Variants in CADM2 observed in about 807,000 individuals in gnomAD.
The protein encoded by CADM2 is immunoglobulin superfamily member 4D.
A neutral mutation model predicts 49.8 loss-of-function variants in CADM2; 12 were observed. The observed-to-expected ratio is 0.24, with a 90% CI of 0.15 to 0.39. The LOEUF (loss-of-function observed/expected upper bound fraction) is 0.39, where lower values mean the gene tolerates loss of function less well. CADM2 is among the 10% of genes least tolerant of loss of function. The pLI, the probability that CADM2 is intolerant of heterozygous loss-of-function variation, is 1.00. For missense variants in CADM2, 378 were observed against 492.3 expected, an observed-to-expected ratio of 0.77 and a Z score of 2.20; for synonymous variants, 214 against 175.4, an observed-to-expected ratio of 1.22 and a Z score of -1.74.
At chr3:85,325,074 G>C (rs1360449320) in intron 1 of CADM2, among the ~76,000 whole-genome samples, 1 of 152,182 alleles carries the variant, frequency 6.6e-6, no homozygotes, top group East Asian at 1.9e-4. Flanking sequence ...AGCACAGGCT[G>C]CTTTATGTTC....
intron 1 of CADM2, among the ~76,000 whole-genome samples, chr3:84,971,896 A>T (rs1216154545): frequency 6.6e-6 from 1 of 152,026 alleles, no homozygotes; most frequent in Non-Finnish European, 1.5e-5. Context: ...TTGGTAATAG[A>T]GGAATGAAGT....
intron 1 of CADM2, among the ~76,000 whole-genome samples, chr3:85,610,249 A>G (rs555470627): frequency 6.6e-6 from 1 of 152,078 alleles, no homozygotes; most frequent in Admixed American, 6.6e-5. Flanking sequence ...GTCAAATGGT[A>G]GTGGTCCCCA....
chr3:85,506,946 AT>A (rs1298384992), intron 1 of CADM2, among the ~76,000 whole-genome samples: 1 of 152,172 alleles, frequency 6.6e-6, no homozygotes, highest in Non-Finnish European at 1.5e-5. Context: ...CACTTAAGTT[AT>A]TTACTTTAAA....
chr3:86,017,728 C>CA (rs570758624), intron 8 of CADM2, among the ~76,000 whole-genome samples: 194 of 110,032 alleles, frequency 1.8e-3, no homozygotes, highest in East Asian at 6.6e-3. Context: ...ACCCTGTCTC[C>CA]AAAAAAAAAA....
At chr3:85,297,976 T>A (rs1263508824) in intron 1 of CADM2, among the ~76,000 whole-genome samples, 3 of 151,996 alleles carry the variant, frequency 2.0e-5, no homozygotes, top group Non-Finnish European at 4.4e-5. Flanking sequence ...ATGAACTGAT[T>A]CATAAAAGAT....
At chr3:85,669,813 G>C in intron 1 of CADM2, among the ~76,000 whole-genome samples, 1 of 151,602 alleles carries the variant, frequency 6.6e-6, no homozygotes, top group South Asian at 2.1e-4. Flanking sequence ...ATTTAACATG[G>C]GGCAAACAAT....
At chr3:85,651,722 A>G (rs2065046301) in intron 1 of CADM2, among the ~76,000 whole-genome samples, 1 of 152,000 alleles carries the variant, frequency 6.6e-6, no homozygotes. Flanking sequence ...AAACCTCATT[A>G]TTCTTGCTTT....
chr3:85,736,173 A>T (rs1319165391), intron 2 of CADM2, among the ~76,000 whole-genome samples: 1 of 152,222 alleles, frequency 6.6e-6, no homozygotes, highest in African/African-American at 2.4e-5. Flanking sequence ...AAGAAAATGT[A>T]TTTAAAAAGG....
intron 8 of CADM2, among the ~76,000 whole-genome samples, chr3:85,966,624 T>C (rs1011226353): frequency 1.3e-5 from 2 of 151,598 alleles, no homozygotes; most frequent in African/African-American, 4.8e-5. Context: ...TTTACAACCA[T>C]GTAAGATAAG....
At position 85,152,342 on chromosome 3, in the gene CADM2, T is replaced by C. The variant is rs984786810; in HGVS notation, c.61+192674T>C. Reference sequence around the variant, plus strand: ...TAGGTGCCTTCGTTACAAGGATGTGTGGCCAAAAGAGACTGTAGTTATGGA... The same window carrying C: ...TAGGTGCCTTCGTTACAAGGATGTGCGGCCAAAAGAGACTGTAGTTATGGA... On this transcript the variant is annotated intron_variant, in intron 1 of 9. Coordinates refer to ENST00000383699, the MANE Select transcript of CADM2 (RefSeq NM_001167675.2). 3.9e-5 allele frequency among the ~76,000 whole-genome samples: 6 copies of C among 152,158 alleles called. No individual in the cohort carries two copies. The East Asian group carries it at 1.2e-3, about 29-fold the overall frequency.
At chr3:85,663,080 G>A (rs1007188898) in intron 1 of CADM2, among the ~76,000 whole-genome samples, 1 of 152,016 alleles carries the variant, frequency 6.6e-6, no homozygotes, top group Non-Finnish European at 1.5e-5. Context: ...AGTGGTAGGT[G>A]GTTCAAGCTA....
chr3:85,773,964 C>G (rs946291031), intron 2 of CADM2, among the ~76,000 whole-genome samples: 1 of 151,858 alleles, frequency 6.6e-6, no homozygotes, highest in Non-Finnish European at 1.5e-5. Context: ...TCCAGGAAAG[C>G]ATAATCTTGT....
At chr3:85,544,601 A>G (rs879343818) in intron 1 of CADM2, among the ~76,000 whole-genome samples, 1 of 152,120 alleles carries the variant, frequency 6.6e-6, no homozygotes, top group Admixed American at 6.5e-5. Context: ...AAAAATAAAA[A>G]AAAGAGGAAA....
rs922969875 is a variant in CADM2 at position 85,082,306 on chromosome 3, T to C, written c.61+122638T>C. On this transcript the variant is annotated intron_variant, in intron 1 of 9. Transcript: ENST00000383699. The stretch of plus-strand genomic sequence containing the variant: ...TTGCTTGGGACCTTATTACATATTA[T>C]GTCTTACATTTTTGCAAAATATATT... 2.0e-5 allele frequency among the ~76,000 whole-genome samples: 3 copies of C among 152,210 alleles called. No individual in the cohort carries two copies. In the East Asian group the frequency reaches 5.8e-4, roughly 29 times the overall value.
At chr3:86,045,755 T>C (rs1736592059) in intron 8 of CADM2, among the ~76,000 whole-genome samples, 1 of 152,182 alleles carries the variant, frequency 6.6e-6, no homozygotes, top group Non-Finnish European at 1.5e-5. Context: ...ACAACACTAA[T>C]ATAAACACCA....
chr3:85,719,791 G>A (rs1239740991), intron 1 of CADM2, among the ~76,000 whole-genome samples: 1 of 151,990 alleles, frequency 6.6e-6, no homozygotes, highest in Non-Finnish European at 1.5e-5. Flanking sequence ...AAACATCCAA[G>A]TTTTACTTAA....
chr3:85,921,388 A>G (rs1433949321), intron 6 of CADM2, among the ~76,000 whole-genome samples: 1 of 151,964 alleles, frequency 6.6e-6, no homozygotes, highest in Admixed American at 6.6e-5. Flanking sequence ...ACTGTAATAA[A>G]TCAATGTATT....
chr3:85,191,501 A>T (rs188026793), intron 1 of CADM2, among the ~76,000 whole-genome samples: 40 of 152,184 alleles, frequency 2.6e-4, no homozygotes, highest in African/African-American at 9.4e-4. Flanking sequence ...AGATGAAAAA[A>T]ATTGGGACAC....
intron 2 of CADM2, among the ~76,000 whole-genome samples, chr3:85,780,437 A>G (rs1221917521): frequency 6.6e-6 from 1 of 152,212 alleles, no homozygotes; most frequent in Non-Finnish European, 1.5e-5. Flanking sequence ...TTTATACAAC[A>G]CCATTGATAC....
Sources: allele counts gnomAD v4.1 joint callset (sites outside exome capture counted in the v4.1 genomes callset), GRCh38; gene constraint gnomAD v4.1.1; transcripts MANE v1.5; gene names NCBI Gene and HGNC (gene_info 2026-07-23, HGNC 2026-07-21).